Variants in MYO18A observed in about 807,000 individuals in gnomAD.
MYO18A encodes unconventional myosin-XVIIIa.
Under a neutral mutation model 235.8 loss-of-function variants are expected in MYO18A, and 78 were observed. The ratio of observed to expected loss-of-function variants is 0.33; its 90% CI spans 0.28 to 0.40. The LOEUF (loss-of-function observed/expected upper bound fraction) is 0.40. MYO18A is among the 10% of genes least tolerant of loss of function. The probability of loss-of-function intolerance (pLI) is 1.00; values close to 1 mark genes in which losing one functional copy is unlikely to be tolerated. For missense variants in MYO18A, 2,215 were observed against 2,699.3 expected, an observed-to-expected ratio of 0.82 and a Z score of 3.98; for synonymous variants, 977 against 1,077.8, an observed-to-expected ratio of 0.91 and a Z score of 1.83.
At position 29,166,688 on chromosome 17, in the gene MYO18A, T is replaced by C. The variant is rs1196544822; in HGVS notation, c.253A>G (p.Ser85Gly). ...DLHLTDIDSD[S>G]NRGSVILDSG... ...TCCAGGATGACGCTGCCCCGGTTAC[T>C]ATCGGAGTCAATGTCAGTCAGGTGC... Residue 85 changes from serine (S) to glycine (G), a missense_variant, in exon 2 of 42, where the codon AGT becomes GGT. Coordinates refer to ENST00000527372, the MANE Select transcript of MYO18A (RefSeq NM_078471.4). 1.2e-6 allele frequency: 2 copies of C among 1,613,672 alleles called. No individual in the cohort carries two copies. Among genetic ancestry groups the C allele is most frequent in the African/African-American group, 2.7e-5 (2 of 74,890 alleles).
intron 2 of MYO18A, among the ~76,000 whole-genome samples, chr17:29,154,618 AAGTGAGT>A: frequency 6.6e-6 from 1 of 152,204 alleles, no homozygotes; most frequent in Admixed American, 6.5e-5. Flanking sequence ...AGGCATGGCC[AAGTGAGT>A]GGGGACTCGA....
At chr17:29,077,833 T>C (rs1164278625) in intron 41 of MYO18A, 2 of 152,278 alleles carry the variant, frequency 1.3e-5, no homozygotes, top group Admixed American at 1.3e-4. Context: ...CAGTGTGGGA[T>C]GGCCCAGCTT....
In MYO18A at chr17:29,165,923, T is replaced by G; in HGVS notation, c.999+19A>C. The G allele has an allele frequency of 6.2e-7, 1 of 1,600,912 alleles. No individual in the cohort carries two copies. The highest frequency in any genetic ancestry group is 8.5e-7 in the Non-Finnish European group (1 of 1,172,004). On this transcript the variant is annotated intron_variant, in intron 2 of 41. Transcript: ENST00000527372. ...ATTCCCCATCCCTGCTTAGCCCAGG[T>G]GCCCAGGGAAGCACTCACATCGGAT...
intron 18 of MYO18A, 120 bp from the exon 19 acceptor site, chr17:29,110,221 C>T: frequency 7.1e-7 from 1 of 1,416,926 alleles, no homozygotes; most frequent in Non-Finnish European, 9.5e-7. Flanking sequence ...CCAGCCAGGA[C>T]ATGCTAAACC....
chr17:29,179,400 C>A (rs572875633), intron 1 of MYO18A, among the ~76,000 whole-genome samples: 4 of 152,168 alleles, frequency 2.6e-5, no homozygotes, highest in African/African-American at 9.6e-5. Context: ...TCCCTGCGGG[C>A]CTTATCGCAC....
chr17:29,074,541 A>G lies in MYO18A; in HGVS notation c.*229T>C. The G allele has an allele frequency of 1.7e-6, 1 of 595,802 alleles. No homozygotes were observed. The highest frequency in any genetic ancestry group is 3.0e-6 in the Non-Finnish European group (1 of 329,834). 36.9% of individuals were successfully genotyped at this position (595,802 alleles called of 1,614,324 possible). ...GAAGCCAAGAGTCTGGCATTTTGAG[A>G]CAGAGGAGCAAAAAGTTCTCTTCAG... On this transcript the variant is annotated 3_prime_UTR_variant, in exon 42 of 42. Transcript: ENST00000527372. The surrounding 1 kb of genome is among the most constrained non-coding windows in gnomAD (Gnocchi z 4.4).
chr17:29,156,937 C>T (rs2068076830), intron 2 of MYO18A, among the ~76,000 whole-genome samples: 1 of 152,234 alleles, frequency 6.6e-6, no homozygotes, highest in Non-Finnish European at 1.5e-5. Flanking sequence ...CTGCTAGGCC[C>T]TCTGCCAGGC....
At chr17:29,114,785 C>G (rs1260014184) in intron 14 of MYO18A, 122 bp downstream of exon 14, 1 of 1,098,012 alleles carries the variant, frequency 9.1e-7, no homozygotes, top group Non-Finnish European at 1.3e-6. Flanking sequence ...GACTCCTGCT[C>G]CAGAGAGCGC....
intron 2 of MYO18A, among the ~76,000 whole-genome samples, chr17:29,141,385 G>A (rs1297740090): frequency 2.7e-5 from 4 of 150,568 alleles, no homozygotes; most frequent in Non-Finnish European, 5.9e-5. Context: ...CTCAGAAGCC[G>A]TCAGCTCTGC....
At position 29,173,179 on chromosome 17, in the gene MYO18A, G is replaced by A. The variant is rs535777234; in HGVS notation, c.-81-6158C>T. On this transcript the variant is annotated intron_variant, in intron 1 of 41. Transcript: ENST00000527372. ...GCCCGATTTCAGCTCACTGCAATCC[G>A]CCTCCCGGGTTCAAGCAATTCTCCT... Among the ~76,000 whole-genome samples the A allele has an allele frequency of 6.0e-5, 9 of 150,838 alleles. No homozygotes were observed. In the South Asian group the frequency reaches 1.3e-3, roughly 21 times the overall value.
At chr17:29,092,286 G>A in intron 34 of MYO18A, 57 bp downstream of exon 34, 1 of 1,313,792 alleles carries the variant, frequency 7.6e-7, no homozygotes, top group African/African-American at 1.4e-5. Context: ...AGCCACAGAG[G>A]CAGCTCTATT....
chr17:29,137,345 A>G (rs1163231479), intron 2 of MYO18A, among the ~76,000 whole-genome samples: 1 of 152,228 alleles, frequency 6.6e-6, no homozygotes, highest in Admixed American at 6.5e-5. Flanking sequence ...TTCCCCAAAT[A>G]TAAACTACAG....
intron 15 of MYO18A, among the ~76,000 whole-genome samples, chr17:29,112,109 C>T (rs2152827905): frequency 6.6e-6 from 1 of 152,350 alleles, no homozygotes; most frequent in Middle Eastern, 3.4e-3. Flanking sequence ...GCACTCCAGT[C>T]CAAAGTCACC....
intron 1 of MYO18A, among the ~76,000 whole-genome samples, chr17:29,173,802 TGCTTTGTCACCCAG>T (rs1220883996): frequency 6.6e-6 from 1 of 152,306 alleles, no homozygotes; most frequent in Non-Finnish European, 1.5e-5. Context: ...GACAAGGTCT[TGCTTTGTCACCCAG>T]GCTGGAGTTT....
At chr17:29,100,265 G>A (rs573554692) in intron 21 of MYO18A, among the ~76,000 whole-genome samples, 6 of 152,346 alleles carry the variant, frequency 3.9e-5, no homozygotes, top group East Asian at 1.9e-4. Context: ...GAGAAGCAGC[G>A]CTGGGGAGCG....
intron 23 of MYO18A, 118 bp downstream of exon 23, chr17:29,098,708 G>T: frequency 7.3e-7 from 1 of 1,367,002 alleles, no homozygotes; most frequent in South Asian, 1.4e-5. Context: ...TCTATTTGAT[G>T]AGCACATTTC....
chr17:29,072,227 T>TAA lies in MYO18A; in HGVS notation c.*2541_*2542dup, dbSNP rs35710358. On this transcript the variant is annotated 3_prime_UTR_variant, in exon 42 of 42. Transcript: ENST00000527372. ...CTTTTTTTTTTTTTTTTTTTTTTTG[T>TAA]AAAAAAAAGTAACTTAGGCCAGGCA... The TAA allele has an allele frequency of 5.6e-5, 1 of 17,752 alleles. No homozygotes were observed. 1.1% of individuals were successfully genotyped at this position (17,752 alleles called of 1,614,324 possible).
intron 2 of MYO18A, chr17:29,128,419 C>G: frequency 7.8e-7 from 1 of 1,289,494 alleles, no homozygotes; most frequent in South Asian, 1.2e-5. Flanking sequence ...TGGCAGCTCC[C>G]GGGCCGTTCA....
chr17:29,079,732 T>C, intron 41 of MYO18A: 2 of 986,044 alleles, frequency 2.0e-6, no homozygotes, highest in East Asian at 1.1e-4. Flanking sequence ...CCTACTGCAC[T>C]AGTCGCTCTC....
Sources: allele counts gnomAD v4.1 joint callset (sites outside exome capture counted in the v4.1 genomes callset), GRCh38; gene constraint gnomAD v4.1.1; non-coding constraint Gnocchi (gnomAD v3.1); transcripts MANE v1.5; gene names NCBI Gene and HGNC (gene_info 2026-07-23, HGNC 2026-07-21).